AXIN1: variants seen among roughly 807,000 people sequenced by gnomAD.
AXIN1 encodes the protein axin 1, also known as axin-1.
A neutral mutation model predicts 76.4 loss-of-function variants in AXIN1; 30 were observed. The observed-to-expected ratio is 0.39, with a 90% confidence interval of 0.29 to 0.53. The LOEUF (loss-of-function observed/expected upper bound fraction) is 0.53. Ranked by LOEUF, AXIN1 falls within the 20% of genes least tolerant of loss-of-function variation. AXIN1 has a pLI of 0.66. For missense variants in AXIN1, 1,140 were observed against 1,198.8 expected (o/e 0.95, Z 0.72); for synonymous variants, 545 against 501.4 (o/e 1.09, Z -1.16).
chr16:335,053 C>T (rs1231917423), intron 2 of AXIN1, among the ~76,000 whole-genome samples: 2 of 152,210 alleles, frequency 1.3e-5, no homozygotes, highest in Admixed American at 1.3e-4. Context: ...CTCCCATTGG[C>T]GTATAGAATG....
At chr16:333,697 G>T (rs1256377449) in intron 2 of AXIN1, among the ~76,000 whole-genome samples, 1 of 151,968 alleles carries the variant, frequency 6.6e-6, no homozygotes, top group Non-Finnish European at 1.5e-5. Context: ...AAATTTATGG[G>T]GGGGGTGCCA....
At chr16:305,359 A>T (rs2074972504) in intron 4 of AXIN1, among the ~76,000 whole-genome samples, 2 of 152,076 alleles carry the variant, frequency 1.3e-5, no homozygotes, top group Non-Finnish European at 2.9e-5. Context: ...GGTTCCGACT[A>T]CTTGGGAGGC....
At chr16:289,366 G>A (rs1185167351) in intron 10 of AXIN1, 74 bp downstream of exon 10, 1 of 1,588,902 alleles carries the variant, frequency 6.3e-7, no homozygotes, top group Non-Finnish European at 8.6e-7. Flanking sequence ...TGCCCGGCTG[G>A]AAACCCTCTT....
At chr16:314,155 C>T (rs186988559) in intron 3 of AXIN1, among the ~76,000 whole-genome samples, 138 of 152,336 alleles carry the variant, frequency 9.1e-4, no homozygotes, top group African/African-American at 3.2e-3. Flanking sequence ...GTCTTAGGTT[C>T]ACCCTCGATC....
chr16:288,645 G>C (rs2052459795), intron 10 of AXIN1, among the ~76,000 whole-genome samples: 1 of 152,244 alleles, frequency 6.6e-6, no homozygotes, highest in African/African-American at 2.4e-5. Context: ...TTGCACAGTG[G>C]CTTGTGGACG....
chr16:297,733 G>A lies in AXIN1; in HGVS notation c.1773C>T (p.Gly591=). The change falls in exon 6 of 11, where the codon GGC becomes GGT. Residue 591 remains glycine (G), a synonymous_variant. Coordinates refer to ENST00000262320, the MANE Select transcript of AXIN1 (RefSeq NM_003502.4). ...AGGCGCACGCTCACCTGTGGGCGAG[G>A]CCATCACTGGCGTTGGGGGCAGCGC... ...SVGAAPNASD[G]LAHSGKVGVA... is the part of the protein sequence containing the mutation. 1 of 1,597,938 alleles carries A rather than the reference G, an allele frequency of 6.3e-7. No homozygotes were observed. The highest frequency in any genetic ancestry group is 8.5e-7 in the Non-Finnish European group (1 of 1,174,608).
At chr16:321,285 C>T (rs966731640) in intron 2 of AXIN1, among the ~76,000 whole-genome samples, 1 of 151,062 alleles carries the variant, frequency 6.6e-6, no homozygotes, top group African/African-American at 2.4e-5. Flanking sequence ...AGGCAGGAGC[C>T]GCCACCCTCC....
chr16:340,008 T>A (rs2053884197), intron 2 of AXIN1, among the ~76,000 whole-genome samples: 1 of 151,910 alleles, frequency 6.6e-6, no homozygotes, highest in Non-Finnish European at 1.5e-5. Flanking sequence ...GACAACTCTG[T>A]ACACATTTTG....
intron 2 of AXIN1, among the ~76,000 whole-genome samples, chr16:338,956 G>C (rs2053859981): frequency 6.6e-6 from 1 of 150,818 alleles, no homozygotes; most frequent in Admixed American, 6.6e-5. Flanking sequence ...ATGCAAGCTG[G>C]TGCTGTGGGG....
rs547569986 is a variant in AXIN1, at chr16:299,749, G to A, written c.1255-1498C>T. On this transcript the variant is annotated intron_variant, in intron 5 of 10. Coordinates refer to ENST00000262320, the MANE Select transcript of AXIN1 (RefSeq NM_003502.4). ...CGGCTCACTGCAACCTCCGTCTCCCGGGTTCACACCATTCTCCTGCCTCAG... is the reference window on the plus strand; with the variant it reads ...CGGCTCACTGCAACCTCCGTCTCCCAGGTTCACACCATTCTCCTGCCTCAG... Among the ~76,000 whole-genome samples the A allele has an allele frequency of 7.9e-5, 12 of 152,194 alleles. No individual in the cohort carries two copies. The South Asian group carries it at 1.5e-3, about 18-fold the overall frequency.
intron 9 of AXIN1, 136 bp downstream of exon 9, chr16:291,054 A>T (rs1219728152): frequency 1.2e-6 from 1 of 804,232 alleles, no homozygotes; most frequent in Non-Finnish European, 2.1e-6. Context: ...ATGCCACGGG[A>T]CCCTCTCCTG....
intron 3 of AXIN1, among the ~76,000 whole-genome samples, chr16:311,790 G>A (rs1319426955): frequency 6.6e-6 from 1 of 151,952 alleles, no homozygotes; most frequent in Non-Finnish European, 1.5e-5. Flanking sequence ...AAGGAAGAAA[G>A]AAAGAAAAGC....
chr16:288,701 C>T (rs1037965308), intron 10 of AXIN1, among the ~76,000 whole-genome samples: 8 of 152,258 alleles, frequency 5.3e-5, no homozygotes, highest in Admixed American at 6.5e-5. Context: ...GGGTCAGGCC[C>T]CCTCTGCTCA....
intron 2 of AXIN1, among the ~76,000 whole-genome samples, chr16:317,579 T>C (rs2053332816): frequency 6.6e-6 from 1 of 152,144 alleles, no homozygotes; most frequent in African/African-American, 2.4e-5. Context: ...ACAGCAACCA[T>C]GGGGCCGCTC....
chr16:336,382 G>A (rs1262931307), intron 2 of AXIN1, among the ~76,000 whole-genome samples: 3 of 152,222 alleles, frequency 2.0e-5, no homozygotes, highest in Non-Finnish European at 4.4e-5. Context: ...ACGTTACTCA[G>A]AAAAGGCACT....
intron 3 of AXIN1, among the ~76,000 whole-genome samples, chr16:310,440 A>C (rs575862792): frequency 6.6e-6 from 1 of 152,088 alleles, no homozygotes; most frequent in East Asian, 1.9e-4. Context: ...TCTGTCGCCC[A>C]GGCTGGAGTG....
At chr16:294,828 TGAG>T (rs1168158153) in intron 7 of AXIN1, among the ~76,000 whole-genome samples, 2 of 147,792 alleles carry the variant, frequency 1.4e-5, no homozygotes, top group Non-Finnish European at 3.0e-5. Flanking sequence ...TTTGGGAGGC[TGAG>T]GAGGGCGGAT....
At chr16:336,907 T>G (rs557780844) in intron 2 of AXIN1, among the ~76,000 whole-genome samples, 1 of 151,582 alleles carries the variant, frequency 6.6e-6, no homozygotes, top group East Asian at 1.9e-4. Context: ...CCCAGCACTT[T>G]GGAAGGCCGA....
At position 298,226 on chromosome 16, in the gene AXIN1, G is replaced by A. The variant is rs773229103; in HGVS notation, c.1280C>T (p.Pro427Leu). ...RMEEEGEDGDPSSGPPGPCHK... is the reference protein window; with the variant it reads ...RMEEEGEDGDLSSGPPGPCHK... ...ACACGGCCCTGGGGGCCCTGACGAT[G>A]GATCGCCGTCCTCACCTTCCTCCTC... Residue 427 changes from proline (P) to leucine (L), a missense_variant, in exon 6 of 11, where the codon CCA (proline) becomes CTA (leucine). Physicochemically the swap from Pro to Leu is moderately conservative, Grantham distance 98 (BLOSUM62 -3). Around this residue, in one of 3 missense-constraint regions of AXIN1, gnomAD observed 708 missense variants for 776.9 expected, o/e 0.91. Transcript: ENST00000262320. 7 of 1,540,010 alleles carry A rather than the reference G, an allele frequency of 4.5e-6. No individual in the cohort carries two copies. The highest frequency in any genetic ancestry group is 2.0e-5 in the Admixed American group (1 of 51,094).
Sources: allele counts gnomAD v4.1 joint callset (sites outside exome capture counted in the v4.1 genomes callset), GRCh38; gene constraint gnomAD v4.1.1; regional missense constraint gnomAD v4.1.1; transcripts MANE v1.5; gene names NCBI Gene and HGNC (gene_info 2026-07-23, HGNC 2026-07-21).